DNAJC15: variants seen among roughly 807,000 people sequenced by gnomAD.
DNAJC15 encodes the protein DnaJ heat shock protein family (Hsp40) member C15, also known as dnaJ homolog subfamily C member 15.
Under a neutral mutation model 22.4 loss-of-function variants are expected in DNAJC15, and 27 were observed. The ratio of observed to expected loss-of-function variants is 1.20; its 90% CI spans 0.89 to 1.66. The LOEUF is 1.66. DNAJC15 is among the 40% of genes most tolerant of loss of function. DNAJC15 has a pLI of 0.00. For missense variants in DNAJC15, 208 were observed against 187.1 expected (o/e 1.11, Z -0.65); for synonymous variants, 79 against 63.2 (o/e 1.25, Z -1.19).
Position 43,108,245 on chromosome 13 carries a change from G to A in DNAJC15, c.*997G>A, listed in dbSNP as rs2040807782. The A allele has an allele frequency of 6.6e-6, 1 of 152,188 alleles. No individual in the cohort carries two copies. The highest frequency in any genetic ancestry group is 2.4e-5 in the African/African-American group (1 of 41,444). The allele number at this position is 152,188 out of a possible 1,614,324, so 9.4% of individuals were successfully genotyped here. On this transcript the variant is annotated 3_prime_UTR_variant, in exon 6 of 6. Coordinates refer to ENST00000379221, the MANE Select transcript of DNAJC15 (RefSeq NM_013238.3). ...ATACCATATGATTGGTGAGGTAAGT[G>A]TTATTCTGAGATGAGAATTAGCAGA...
At chr13:43,101,411 T>G (rs929831726) in intron 5 of DNAJC15, among the ~76,000 whole-genome samples, 1 of 152,196 alleles carries the variant, frequency 6.6e-6, no homozygotes, top group African/African-American at 2.4e-5. Flanking sequence ...AGTGTTATGA[T>G]TTATTATTTA....
At chr13:43,054,992 G>A (rs1045074394) in intron 1 of DNAJC15, among the ~76,000 whole-genome samples, 1 of 151,822 alleles carries the variant, frequency 6.6e-6, no homozygotes, top group Non-Finnish European at 1.5e-5. Context: ...ACTTCACAAT[G>A]GGCCCCAGTA....
intron 3 of DNAJC15, among the ~76,000 whole-genome samples, chr13:43,075,129 C>G (rs1040938085): frequency 3.9e-5 from 6 of 152,114 alleles, no homozygotes; most frequent in Non-Finnish European, 7.4e-5. Flanking sequence ...CACCCAGCCC[C>G]ACATGTTAAG....
chr13:43,065,312 A>G (rs1037058728), intron 1 of DNAJC15, among the ~76,000 whole-genome samples: 4 of 152,198 alleles, frequency 2.6e-5, no homozygotes, highest in East Asian at 1.9e-4. Context: ...GCTGTTGAAC[A>G]TTGCAAATGT....
Position 43,111,695 on chromosome 13 carries a change from G to C in DNAJC15, c.*4447G>C, listed in dbSNP as rs1299183969. 1 of 152,146 alleles carries C rather than the reference G, an allele frequency of 6.6e-6. No homozygotes were observed. Among genetic ancestry groups the C allele is most frequent in the African/African-American group, 2.4e-5 (1 of 41,432 alleles). The allele number at this position is 152,146 out of a possible 1,614,324, so 9.4% of individuals were successfully genotyped here. ...AGTACACCAGCCAATTTCACACAGT[G>C]GAACCATGCTGTCCTCGGGCACCCT... On this transcript the variant is annotated 3_prime_UTR_variant, in exon 6 of 6. Transcript: ENST00000379221.
At chr13:43,063,282 T>C (rs2040567969) in intron 1 of DNAJC15, among the ~76,000 whole-genome samples, 1 of 152,260 alleles carries the variant, frequency 6.6e-6, no homozygotes. Flanking sequence ...AGTGTTGGGA[T>C]TACAGGCGTG....
chr13:43,063,229 T>A (rs2040567710), intron 1 of DNAJC15, among the ~76,000 whole-genome samples: 1 of 152,198 alleles, frequency 6.6e-6, no homozygotes, highest in African/African-American at 2.4e-5. Flanking sequence ...AGGCTGGTCT[T>A]GAAATTCTGA....
chr13:43,075,852 C>G (rs535368778), intron 3 of DNAJC15, among the ~76,000 whole-genome samples: 8 of 152,132 alleles, frequency 5.3e-5, no homozygotes, highest in Non-Finnish European at 1.0e-4. Context: ...TTAGTAGAGA[C>G]GGGGTTTCAC....
chr13:43,049,376 T>TA (rs775254718), intron 1 of DNAJC15, among the ~76,000 whole-genome samples: 29 of 152,364 alleles, frequency 1.9e-4, no homozygotes, highest in Non-Finnish European at 3.7e-4. Context: ...CTGGATCAGA[T>TA]ATGGTGTTGT....
At chr13:43,070,091 T>G (rs73473994) in intron 3 of DNAJC15, among the ~76,000 whole-genome samples, 6,429 of 152,268 alleles carry the variant, frequency 0.042, 472 homozygotes, top group African/African-American at 0.15. Context: ...ATCTTTATAT[T>G]ATGGTATAGG....
chr13:43,033,148 A>G (rs1016988292), intron 1 of DNAJC15, among the ~76,000 whole-genome samples: 21 of 152,190 alleles, frequency 1.4e-4, no homozygotes, highest in Admixed American at 1.2e-3. Context: ...ATCACCTCCC[A>G]CCAGGCCCCA....
intron 5 of DNAJC15, 43 bp downstream of exon 5, chr13:43,085,881 T>C (rs754205846): frequency 3.3e-6 from 5 of 1,530,244 alleles, no homozygotes; most frequent in East Asian, 4.5e-5. Context: ...TATCAAAATA[T>C]GCTGTGAATT....
intron 4 of DNAJC15, among the ~76,000 whole-genome samples, chr13:43,082,071 C>T (rs139267370): frequency 1.0e-3 from 159 of 152,136 alleles, no homozygotes; most frequent in African/African-American, 3.5e-3. Flanking sequence ...TACCTCCCAC[C>T]GGTTCCCCTC....
chr13:43,045,286 T>A (rs2040471152), intron 1 of DNAJC15, among the ~76,000 whole-genome samples: 2 of 152,190 alleles, frequency 1.3e-5, no homozygotes, highest in Admixed American at 1.3e-4. Flanking sequence ...AAGCTTGCCC[T>A]ACTCACTTTA....
intron 1 of DNAJC15, among the ~76,000 whole-genome samples, chr13:43,058,862 G>T (rs762486526): frequency 5.9e-5 from 9 of 152,120 alleles, no homozygotes; most frequent in Non-Finnish European, 1.3e-4. Context: ...TTCAGCTCTA[G>T]GTAAGGTTAA....
At chr13:43,033,932 G>T (rs1383470746) in intron 1 of DNAJC15, among the ~76,000 whole-genome samples, 2 of 151,470 alleles carry the variant, frequency 1.3e-5, no homozygotes, top group African/African-American at 4.9e-5. Context: ...GGAGGCTGAG[G>T]CAGGAGAATT....
At chr13:43,050,873 A>G (rs943464045) in intron 1 of DNAJC15, among the ~76,000 whole-genome samples, 5 of 152,196 alleles carry the variant, frequency 3.3e-5, no homozygotes, top group African/African-American at 1.2e-4. Context: ...AGTGTGGATA[A>G]GTAAGATTTG....
chr13:43,073,637 TC>T (rs934691220), intron 3 of DNAJC15, among the ~76,000 whole-genome samples: 5 of 152,340 alleles, frequency 3.3e-5, no homozygotes, highest in Admixed American at 3.3e-4. Context: ...TTTCTTTTTT[TC>T]TCTGATGTTT....
At chr13:43,049,313 A>T (rs1326682162) in intron 1 of DNAJC15, among the ~76,000 whole-genome samples, 1 of 152,218 alleles carries the variant, frequency 6.6e-6, no homozygotes, top group Non-Finnish European at 1.5e-5. Context: ...TTAAAGCATC[A>T]TTGTTTAAAA....
Sources: allele counts gnomAD v4.1 joint callset (sites outside exome capture counted in the v4.1 genomes callset), GRCh38; gene constraint gnomAD v4.1.1; transcripts MANE v1.5; gene names NCBI Gene and HGNC (gene_info 2026-07-23, HGNC 2026-07-21).